The following DYNC1I2 variants were observed in gnomAD, a reference collection of about 807,000 sequenced individuals.
DYNC1I2 encodes the protein cytoplasmic dynein 1 intermediate chain 2.
A neutral mutation model predicts 88.6 loss-of-function variants in DYNC1I2; 53 were observed. The observed-to-expected ratio is 0.60, with a 90% CI of 0.48 to 0.75. The LOEUF (loss-of-function observed/expected upper bound fraction) is 0.75. Among genes scored for constraint, DYNC1I2 ranks in the 30% least tolerant of loss-of-function variants. The probability of loss-of-function intolerance (pLI) is 0.00; values close to 1 mark genes in which losing one functional copy is unlikely to be tolerated. For synonymous variants in DYNC1I2, 198 were observed against 254.6 expected, an observed-to-expected ratio of 0.78 and a Z score of 2.12; for missense variants, 458 against 766.6, an observed-to-expected ratio of 0.60 and a Z score of 4.75.
chr2:171,739,696 C>CTTTTTTT (rs201750115), intron 15 of DYNC1I2, among the ~76,000 whole-genome samples: 1 of 65,038 alleles, frequency 1.5e-5, no homozygotes, highest in Non-Finnish European at 2.9e-5. Context: ...TGACATATCT[C>CTTTTTTT]TTTTTTTTTT....
At chr2:171,707,453 A>T (rs1186865902) in intron 5 of DYNC1I2, 76 bp downstream of exon 5, 1 of 1,294,658 alleles carries the variant, frequency 7.7e-7, no homozygotes, top group Non-Finnish European at 1.0e-6. Context: ...CTTTAAAGGG[A>T]CTCTAAATAG....
chr2:171,705,698 ATTC>A, intron 3 of DYNC1I2, among the ~76,000 whole-genome samples: 1 of 152,192 alleles, frequency 6.6e-6, no homozygotes, highest in Middle Eastern at 3.4e-3. Context: ...GGACATTAAT[ATTC>A]TTCTACTTTA....
intron 10 of DYNC1I2, 118 bp from the exon 11 acceptor site, chr2:171,726,673 A>G: frequency 1.7e-6 from 2 of 1,190,026 alleles, no homozygotes; most frequent in Non-Finnish European, 2.3e-6. Flanking sequence ...GTCTCTCTTG[A>G]TGAAATGTTA....
intron 11 of DYNC1I2, among the ~76,000 whole-genome samples, chr2:171,727,343 A>G (rs75228858): frequency 0.024 from 3,635 of 152,270 alleles, 59 homozygotes; most frequent in Middle Eastern, 0.037. Context: ...ATATGGTTGA[A>G]GTAGAAAACA....
intron 15 of DYNC1I2, among the ~76,000 whole-genome samples, chr2:171,733,473 T>TTC (rs1688774378): frequency 7.0e-6 from 1 of 143,784 alleles, no homozygotes; most frequent in Admixed American, 7.0e-5. Flanking sequence ...TTTTTTTTTT[T>TTC]TTTTTTTTTT....
intron 17 of DYNC1I2, among the ~76,000 whole-genome samples, chr2:171,746,508 C>G (rs1689791045): frequency 6.6e-6 from 1 of 152,094 alleles, no homozygotes; most frequent in African/African-American, 2.4e-5. Flanking sequence ...AAAAAGTGAC[C>G]TTAGTCACTT....
chr2:171,729,803 C>A lies in DYNC1I2; in HGVS notation c.1486C>A (p.Leu496Ile). The A allele has an allele frequency of 6.2e-7, 1 of 1,613,770 alleles. No individual in the cohort carries two copies. Among genetic ancestry groups the A allele is most frequent in the Non-Finnish European group, 8.5e-7 (1 of 1,179,740 alleles). The change falls in exon 15 of 18, where the codon CTT (leucine) becomes ATT (isoleucine). Residue 496 changes from leucine (L) to isoleucine (I), a missense_variant. By Grantham distance (5) the Leu-to-Ile change is conservative. This residue lies in a region of DYNC1I2 where 188 missense variants were observed against 300.4 expected (regional missense o/e 0.63). Transcript: ENST00000397119. ...AAVGAVDFSHLFVTSSFDWTV... is the reference protein window; with the variant it reads ...AAVGAVDFSHIFVTSSFDWTV... ...TGTTGGAGCAGTAGACTTCTCACATCTTTTTGTCACTTCATCGTTTGACTG... is the reference window on the plus strand; with the variant it reads ...TGTTGGAGCAGTAGACTTCTCACATATTTTTGTCACTTCATCGTTTGACTG...
chr2:171,691,627 A>G (rs981915855), intron 2 of DYNC1I2, among the ~76,000 whole-genome samples: 1 of 152,208 alleles, frequency 6.6e-6, no homozygotes, highest in Non-Finnish European at 1.5e-5. Flanking sequence ...TACATTAGCT[A>G]TTAGATTAAA....
intron 12 of DYNC1I2, 129 bp from the exon 13 acceptor site, chr2:171,728,176 C>A: frequency 2.8e-6 from 2 of 715,946 alleles, no homozygotes; most frequent in Non-Finnish European, 4.3e-6. Flanking sequence ...TTGTTAATAG[C>A]AAACTTCACA....
intron 17 of DYNC1I2, among the ~76,000 whole-genome samples, chr2:171,747,207 T>TTATA (rs67834157): frequency 0.074 from 9,269 of 124,518 alleles, 571 homozygotes; most frequent in East Asian, 0.35. Context: ...AAAAAAAAAA[T>TTATA]TATATATATA....
At chr2:171,714,570 A>T (rs1237731356) in intron 6 of DYNC1I2, among the ~76,000 whole-genome samples, 7 of 152,102 alleles carry the variant, frequency 4.6e-5, no homozygotes, top group African/African-American at 1.2e-4. Context: ...TAGCTAATAA[A>T]ATATATTTTT....
chr2:171,728,404 CT>C lies in DYNC1I2; in HGVS notation c.1246del (p.Ser416ProfsTer17). 6.3e-7 allele frequency: 1 copy of C among 1,589,812 alleles called. No homozygotes were observed. Among genetic ancestry groups the C allele is most frequent in the South Asian group, 1.2e-5 (1 of 86,532 alleles). ...AATTTGTTCATGGAGTCTGGACATGCTTTCCCATCCACAGGTGGGTTAAACT... is the reference window on the plus strand; with the variant it reads ...AATTTGTTCATGGAGTCTGGACATGCTTCCCATCCACAGGTGGGTTAAACT... Reference protein sequence around the residue: ...GKICSWSLDMLSHPQDSMELV... With the variant: ...GKICSWSLDMXSHPQDSMELV... On this transcript the variant is annotated frameshift_variant, in exon 13 of 18. Coordinates refer to ENST00000397119, the MANE Select transcript of DYNC1I2 (RefSeq NM_001378.3). LOFTEE classifies it high-confidence loss of function.
chr2:171,716,991 C>G (rs1687542892), intron 7 of DYNC1I2, among the ~76,000 whole-genome samples: 1 of 152,048 alleles, frequency 6.6e-6, no homozygotes, highest in African/African-American at 2.4e-5. Flanking sequence ...TAACTACTCT[C>G]CTTTTGCTGC....
chr2:171,706,695 C>T, intron 4 of DYNC1I2, 131 bp downstream of exon 4: 1 of 784,064 alleles, frequency 1.3e-6, no homozygotes, highest in East Asian at 2.7e-5. Flanking sequence ...AACTAATGAA[C>T]ATTTTAAAGG....
At chr2:171,712,734 C>G in intron 5 of DYNC1I2, 33 bp from the exon 6 acceptor site, 1 of 1,565,288 alleles carries the variant, frequency 6.4e-7, no homozygotes, top group South Asian at 1.2e-5. Context: ...GCCTTTTTTG[C>G]TAATGCTTCA....
chr2:171,745,994 T>G, intron 17 of DYNC1I2, 67 bp downstream of exon 17: 1 of 1,576,718 alleles, frequency 6.3e-7, no homozygotes, highest in South Asian at 1.1e-5. Flanking sequence ...GGCATCTTTG[T>G]GGCTAACCCT....
At chr2:171,728,215 GATA>G (rs1228231653) in intron 12 of DYNC1I2, 87 bp from the exon 13 acceptor site, 2 of 786,410 alleles carry the variant, frequency 2.5e-6, no homozygotes, top group African/African-American at 3.6e-5. Context: ...TATGAGACTC[GATA>G]ATAAACAGAA....
rs563404942 is a variant in DYNC1I2, at chr2:171,714,890, C to T, written c.396-438C>T. 5.9e-5 allele frequency among the ~76,000 whole-genome samples: 9 copies of T among 152,132 alleles called. No individual in the cohort carries two copies. In the South Asian group the frequency reaches 1.2e-3, roughly 21 times the overall value. Reference sequence around the variant, plus strand: ...TTTCAACAGAAACCTGTTTTTCAGTCGTAAAGCTGAATTCTCCTAGTGGCA... The same window carrying T: ...TTTCAACAGAAACCTGTTTTTCAGTTGTAAAGCTGAATTCTCCTAGTGGCA... On this transcript the variant is annotated intron_variant, in intron 6 of 17. Coordinates refer to ENST00000397119, the MANE Select transcript of DYNC1I2 (RefSeq NM_001378.3).
At chr2:171,714,996 C>A (rs912308241) in intron 6 of DYNC1I2, among the ~76,000 whole-genome samples, 1 of 152,082 alleles carries the variant, frequency 6.6e-6, no homozygotes, top group Non-Finnish European at 1.5e-5. Context: ...CCAGCTGAAA[C>A]CAGTTCTTAC....
Sources: gnomAD v4.1 joint callset for allele counts (sites outside exome capture counted in the v4.1 genomes callset) on GRCh38, gnomAD v4.1.1 for gene constraint, gnomAD v4.1.1 regional missense constraint, MANE v1.5 for transcripts, NCBI Gene and HGNC (gene_info 2026-07-23, HGNC 2026-07-21) for gene names.